MEGF8: variants seen among roughly 807,000 people sequenced by gnomAD.
MEGF8 encodes multiple EGF like domains 8, also known as multiple epidermal growth factor-like domains protein 8.
Under a neutral mutation model 302.9 loss-of-function variants are expected in MEGF8, and 156 were observed. The ratio of observed to expected loss-of-function variants is 0.52; its 90% confidence interval spans 0.45 to 0.59. MEGF8 has a LOEUF of 0.59. Among genes scored for constraint, MEGF8 ranks in the 20% least tolerant of loss-of-function variants. The probability of loss-of-function intolerance (pLI) is 0.00; values close to 1 mark genes in which losing one functional copy is unlikely to be tolerated. For synonymous variants in MEGF8, 1,621 were observed against 1,660.5 expected (o/e 0.98, Z 0.58); for missense variants, 3,345 against 3,964.5 (o/e 0.84, Z 4.20).
At chr19:42,338,838 T>A (rs1387953398) in intron 8 of MEGF8, among the ~76,000 whole-genome samples, 1 of 130,932 alleles carries the variant, frequency 7.6e-6, no homozygotes, top group Non-Finnish European at 1.6e-5. Flanking sequence ...TTTTTTTTTT[T>A]TTTTTTTTTT....
Position 42,348,414 on chromosome 19 carries a change from G to C in MEGF8, c.2240G>C (p.Arg747Pro). 6.5e-7 allele frequency: 1 copy of C among 1,536,364 alleles called. No homozygotes were observed. The highest frequency in any genetic ancestry group is 8.7e-7 in the Non-Finnish European group (1 of 1,146,254). The stretch of plus-strand genomic sequence containing the variant: ...GCTGAGGACGTGGCCGTGTGGACGC[G>C]GGCCCAGCGCCTACACGTCCTGGCC... ...PGAEDVAVWT[R>P]AQRLHVLARM... Residue 747 changes from arginine (R) to proline (P), a missense_variant, in exon 13 of 42, where the codon CGG (arginine) becomes CCG (proline). By Grantham distance (103) the Arg-to-Pro change is moderately radical. Transcript: ENST00000251268.
chr19:42,368,471 A>G lies in MEGF8; in HGVS notation c.6290A>G (p.Tyr2097Cys). 6.2e-7 allele frequency: 1 copy of G among 1,608,294 alleles called. No individual in the cohort carries two copies. Among genetic ancestry groups the G allele is most frequent in the African/African-American group, 1.3e-5 (1 of 74,766 alleles). ...SSLQQCLSPS[Y>C]LPLRCMAGGC... ...CCCATACAGTGTCTGAGCCCTTCCT[A>G]CCTGCCCCTGCGATGTATGGCCGGA... Residue 2097 changes from tyrosine (Y) to cysteine (C), a missense_variant, in exon 36 of 42, where the codon TAC (tyrosine) becomes TGC (cysteine). Physicochemically the swap from Tyr to Cys is radical, Grantham distance 194. Coordinates refer to ENST00000251268, the MANE Select transcript of MEGF8 (RefSeq NM_001271938.2). The surrounding 1 kb of genome is among the most constrained non-coding windows in gnomAD (Gnocchi z 4.9).
rs752302131 is a variant in MEGF8 at position 42,344,539 on chromosome 19, C to T, written c.1887C>T (p.Gly629=). ...CCACAGCCCCTCCACGGGGACCTGG[C>T]ACCCTGGGCTGGTGCGTGCACAATG... is the stretch of plus-strand genomic sequence containing the variant. ...SSPTAPPRGP[G]TLGWCVHNES... The change falls in exon 11 of 42, where the codon GGC becomes GGT. Residue 629 remains glycine, a synonymous_variant. Coordinates refer to ENST00000251268, the MANE Select transcript of MEGF8 (RefSeq NM_001271938.2). This position sits in a 1 kb window ranked among gnomAD's most constrained non-coding sequence, Gnocchi z 4.5. 2.5e-6 allele frequency: 4 copies of T among 1,600,076 alleles called. No individual in the cohort carries two copies. The highest frequency in any genetic ancestry group is 4.5e-5 in the East Asian group (2 of 44,848).
At position 42,333,683 on chromosome 19, in the gene MEGF8, A is replaced by G; in HGVS notation, c.266A>G (p.Tyr89Cys). The G allele has an allele frequency of 1.2e-6, 2 of 1,613,998 alleles. No individual in the cohort carries two copies. Among genetic ancestry groups the G allele is most frequent in the East Asian group, 2.2e-5 (1 of 44,880 alleles). ...TECTYDYLFV[Y>C]DGDSPRGPLL... ...TGCACGTATGACTACCTGTTCGTGT[A>G]TGACGGTGACTCCCCGCGAGGGCCG... The change falls in exon 2 of 42, where the codon TAT becomes TGT. Residue 89 changes from tyrosine (Y) to cysteine (C), a missense_variant. Coordinates refer to ENST00000251268, the MANE Select transcript of MEGF8 (RefSeq NM_001271938.2).
chr19:42,371,161 G>T (rs1461522826), intron 40 of MEGF8, among the ~76,000 whole-genome samples, 189 bp from the exon 41 acceptor site: 3 of 152,084 alleles, frequency 2.0e-5, no homozygotes, highest in Non-Finnish European at 4.4e-5. Flanking sequence ...GAGTGCTGGA[G>T]TCTGTGCAAC....
Position 42,368,346 on chromosome 19 carries a change from T to G in MEGF8, c.6274-109T>G. On this transcript the variant is annotated intron_variant, in intron 35 of 41. Transcript: ENST00000251268. This position sits in a 1 kb window ranked among gnomAD's most constrained non-coding sequence, Gnocchi z 4.9. ...TGCTCTACCTGTGGCCAGGGAGGGG[T>G]GAGACCTCAAAGAGGGTGTGGTCTG... The G allele has an allele frequency of 3.2e-6, 3 of 945,782 alleles. No individual in the cohort carries two copies. The highest frequency in any genetic ancestry group is 4.7e-6 in the Non-Finnish European group (3 of 644,230). 58.6% of individuals were successfully genotyped at this position (945,782 alleles called of 1,614,324 possible).
intron 1 of MEGF8, among the ~76,000 whole-genome samples, chr19:42,328,208 G>A (rs1288537215): frequency 6.6e-6 from 1 of 152,222 alleles, no homozygotes; most frequent in African/African-American, 2.4e-5. Context: ...ATACAGGGGT[G>A]AAAGAGAAGT....
In MEGF8 at chr19:42,369,705, C is replaced by G; in HGVS notation, c.6816C>G (p.Leu2272=). ...AGVGARDHCL[L]CRNHTKGSHC... ...TTGGGGCGCGTGACCACTGCTTGCT[C>G]TGCCGCAACCACACCAAGGTGGGCC... The change falls in exon 38 of 42, where the codon CTC becomes CTG. Residue 2272 remains leucine (L), a synonymous_variant. Coordinates refer to ENST00000251268, the MANE Select transcript of MEGF8 (RefSeq NM_001271938.2). This position sits in a 1 kb window ranked among gnomAD's most constrained non-coding sequence, Gnocchi z 5.7. 3 of 1,608,740 alleles carry G rather than the reference C, an allele frequency of 1.9e-6. No individual in the cohort carries two copies. The highest frequency in any genetic ancestry group is 1.7e-6 in the Non-Finnish European group (2 of 1,178,420).
chr19:42,330,737 C>G (rs958278996), intron 1 of MEGF8, among the ~76,000 whole-genome samples: 3 of 152,182 alleles, frequency 2.0e-5, no homozygotes, highest in Admixed American at 6.5e-5. Flanking sequence ...CAGACCTGGA[C>G]ATAGATGTTC....
rs1350029066 is a variant in MEGF8, at chr19:42,376,877, G to A, written c.*102G>A. 1.1e-5 allele frequency: 14 copies of A among 1,300,544 alleles called. No homozygotes were observed. The highest frequency in any genetic ancestry group is 1.5e-5 in the African/African-American group (1 of 65,590). The allele number at this position is 1,300,544 out of a possible 1,614,324, so 80.6% of individuals were successfully genotyped here. ...GGCCCCTGGACACTGTCTACTTGGA[G>A]ACCACTGGCCCCCTTCCCCCAGGGT... On this transcript the variant is annotated 3_prime_UTR_variant, in exon 42 of 42. Coordinates refer to ENST00000251268, the MANE Select transcript of MEGF8 (RefSeq NM_001271938.2). This position sits in a 1 kb window ranked among gnomAD's most constrained non-coding sequence, Gnocchi z 8.2.
intron 35 of MEGF8, among the ~76,000 whole-genome samples, chr19:42,366,543 G>A (rs1600070768): frequency 6.6e-6 from 1 of 152,284 alleles, no homozygotes; most frequent in East Asian, 1.9e-4. Context: ...GTCTGGGGCA[G>A]GCAGCGGAGA....
rs748419823 is a variant in MEGF8, at chr19:42,357,431, G to A, written c.4858G>A (p.Val1620Ile). 61 of 1,613,426 alleles carry A rather than the reference G, an allele frequency of 3.8e-5. No individual in the cohort carries two copies. The highest frequency in any genetic ancestry group is 7.7e-5 in the South Asian group (7 of 91,076). Residue 1620 changes from valine (V) to isoleucine (I), a missense_variant, in exon 28 of 42, where the codon GTT becomes ATT. Physicochemically the swap from Val to Ile is conservative, Grantham distance 29. Transcript: ENST00000251268. The surrounding 1 kb of genome is among the most constrained non-coding windows in gnomAD (Gnocchi z 5.2). ...KAPQTVELPA[V>I]AGHTLTARRG... Reference sequence around the variant, plus strand: ...CCCCCAGACCGTGGAGCTGCCAGCCGTTGCTGGTCACACCCTTACTGCCCG... The same window carrying A: ...CCCCCAGACCGTGGAGCTGCCAGCCATTGCTGGTCACACCCTTACTGCCCG...
chr19:42,351,222 T>C lies in MEGF8; in HGVS notation c.2743T>C (p.Phe915Leu), dbSNP rs1273310964. 3.8e-6 allele frequency: 6 copies of C among 1,560,612 alleles called. No individual in the cohort carries two copies. The highest frequency in any genetic ancestry group is 5.2e-6 in the Non-Finnish European group (6 of 1,152,474). The change falls in exon 16 of 42, where the codon TTC becomes CTC. Residue 915 changes from phenylalanine to leucine, a missense_variant. Coordinates refer to ENST00000251268, the MANE Select transcript of MEGF8 (RefSeq NM_001271938.2). This position sits in a 1 kb window ranked among gnomAD's most constrained non-coding sequence, Gnocchi z 5.6. ...RDCHACTQDP[F>L]CEWHQSTSRK... ...CTGCCCAACTGACCCCCAGGACCCC[T>C]TCTGTGAGTGGCATCAGAGCACCAG...
rs1038775435 is a variant in MEGF8 at position 42,375,351 on chromosome 19, T to A, written c.7270-156T>A. Among the ~76,000 whole-genome samples, 8 of 151,884 alleles carry A rather than the reference T, an allele frequency of 5.3e-5. No homozygotes were observed. The highest frequency in any genetic ancestry group is 7.4e-5 in the Non-Finnish European group (5 of 67,962). ...AAGGTCTACACTGTGGCAGAGAAGG[T>A]CCGGGGGGTCACAGGGAAGTGACTG... On this transcript the variant is annotated intron_variant, in intron 41 of 41. Coordinates refer to ENST00000251268, the MANE Select transcript of MEGF8 (RefSeq NM_001271938.2). The surrounding 1 kb of genome is among the most constrained non-coding windows in gnomAD (Gnocchi z 7.1).
chr19:42,339,431 T>G (rs1010118153), intron 8 of MEGF8, among the ~76,000 whole-genome samples: 9 of 152,234 alleles, frequency 5.9e-5, no homozygotes, highest in Non-Finnish European at 1.3e-4. Context: ...AGATGGTATC[T>G]CATTGTGGTT....
rs779883123 is a variant in MEGF8, at chr19:42,355,802, G to A, written c.4189G>A (p.Gly1397Ser). 1 of 1,580,028 alleles carries A rather than the reference G, an allele frequency of 6.3e-7. No homozygotes were observed. The highest frequency in any genetic ancestry group is 8.6e-7 in the Non-Finnish European group (1 of 1,162,534). The change falls in exon 24 of 42, where the codon GGC becomes AGC. Residue 1397 changes from glycine to serine, a missense_variant. Gly to Ser is a moderately conservative substitution (Grantham distance 56, BLOSUM62 0). Transcript: ENST00000251268. ...GGAGGCCAATGGCTCCTCATCCTGG[G>A]GCTTCAATGCTTCGGTGGGCTCTGC... ...HWEANGSSSWGFNASVGSARC... is the reference protein window; with the variant it reads ...HWEANGSSSWSFNASVGSARC...
rs1192123355 is a variant in MEGF8, at chr19:42,349,708, C to G, written c.2499+9C>G. On this transcript the variant is annotated intron_variant, in intron 14 of 41. Transcript: ENST00000251268. ...GTGTGCCAGGAGGCAGCGTGAGTAC[C>G]CAGGACCTACCTCCAACCCTAGCCG... The G allele has an allele frequency of 1.9e-6, 3 of 1,607,670 alleles. No homozygotes were observed. The highest frequency in any genetic ancestry group is 1.1e-5 in the South Asian group (1 of 91,036).
intron 32 of MEGF8, among the ~76,000 whole-genome samples, chr19:42,361,270 A>G (rs1310057596): frequency 6.6e-6 from 1 of 152,170 alleles, no homozygotes; most frequent in African/African-American, 2.4e-5. Context: ...GTGATTCAGA[A>G]GTGAGGCTGA....
At chr19:42,341,591 C>T (rs761735735) in intron 8 of MEGF8, among the ~76,000 whole-genome samples, 1 of 152,084 alleles carries the variant, frequency 6.6e-6, no homozygotes, top group Non-Finnish European at 1.5e-5. Context: ...CACACAATAC[C>T]ACGCCTGGCT....
Sources: gnomAD v4.1 joint callset for allele counts (sites outside exome capture counted in the v4.1 genomes callset) on GRCh38, gnomAD v4.1.1 for gene constraint, Gnocchi (gnomAD v3.1) non-coding constraint, MANE v1.5 for transcripts, NCBI Gene and HGNC (gene_info 2026-07-23, HGNC 2026-07-21) for gene names.